The following ELAPOR1 variants were observed in gnomAD, a reference collection of about 807,000 sequenced individuals.
ELAPOR1 encodes the protein endosome/lysosome-associated apoptosis and autophagy regulator 1.
ELAPOR1 carries 77 observed loss-of-function variants against 119.7 expected under a neutral mutation model. That is an observed-to-expected ratio of 0.64 (90% CI 0.54 to 0.78). The LOEUF is 0.78. ELAPOR1 is among the 30% of genes least tolerant of loss of function. The pLI is 0.00. For synonymous variants in ELAPOR1, 481 were observed against 487.2 expected, an observed-to-expected ratio of 0.99 and a Z score of 0.17; for missense variants, 1,115 against 1,270.4, an observed-to-expected ratio of 0.88 and a Z score of 1.86.
intron 5 of ELAPOR1, 135 bp downstream of exon 5, chr1:109,172,703 C>A: frequency 1.5e-6 from 1 of 659,562 alleles, no homozygotes; most frequent in Admixed American, 2.6e-5. Context: ...GATGAAGATG[C>A]TGTAGTTACT....
chr1:109,198,119 C>T (rs768571945), intron 17 of ELAPOR1, 44 bp downstream of exon 17: 2 of 1,466,382 alleles, frequency 1.4e-6, no homozygotes, highest in Non-Finnish European at 1.9e-6. Flanking sequence ...ACCTAGGACT[C>T]CTCCATAATT....
chr1:109,154,302 A>T lies in ELAPOR1; in HGVS notation c.154-7592A>T, dbSNP rs1012639660. 2.6e-5 allele frequency among the ~76,000 whole-genome samples: 4 copies of T among 151,616 alleles called. No individual in the cohort carries two copies. In the South Asian group the frequency reaches 8.3e-4, roughly 31 times the overall value. On this transcript the variant is annotated intron_variant, in intron 1 of 21. Transcript: ENST00000369939. Reference sequence around the variant, plus strand: ...GTCTCAAAAAAAAAAAAAAAAAAAAAAGAAAAGGGGAAAAAGATGGAAGTA... The same window carrying T: ...GTCTCAAAAAAAAAAAAAAAAAAAATAGAAAAGGGGAAAAAGATGGAAGTA...
At chr1:109,182,848 C>T (rs1451402003) in intron 7 of ELAPOR1, among the ~76,000 whole-genome samples, 2 of 125,672 alleles carry the variant, frequency 1.6e-5, no homozygotes, top group Admixed American at 9.7e-5. Flanking sequence ...GCCTGGGCAA[C>T]AGAGCAAGAC....
chr1:109,168,706 A>G (rs1651745894), intron 3 of ELAPOR1, among the ~76,000 whole-genome samples: 1 of 152,224 alleles, frequency 6.6e-6, no homozygotes, highest in Admixed American at 6.5e-5. Context: ...ATTAAAAATG[A>G]AAAACATTAT....
At chr1:109,152,801 C>T (rs1650612634) in intron 1 of ELAPOR1, among the ~76,000 whole-genome samples, 1 of 151,262 alleles carries the variant, frequency 6.6e-6, no homozygotes. Context: ...AAAAAATTAG[C>T]CAGGCATGGT....
intron 1 of ELAPOR1, among the ~76,000 whole-genome samples, chr1:109,160,952 T>C (rs1180018413): frequency 6.6e-6 from 1 of 152,230 alleles, no homozygotes; most frequent in Non-Finnish European, 1.5e-5. Flanking sequence ...ATTCCATTTA[T>C]TTTTAGCTCA....
At chr1:109,129,645 T>G (rs1166414280) in intron 1 of ELAPOR1, among the ~76,000 whole-genome samples, 1 of 152,026 alleles carries the variant, frequency 6.6e-6, no homozygotes, top group East Asian at 1.9e-4. Context: ...TGAGGCCAGT[T>G]GGGAAGGAGC....
At chr1:109,154,048 G>A (rs1188239224) in intron 1 of ELAPOR1, among the ~76,000 whole-genome samples, 2 of 151,806 alleles carry the variant, frequency 1.3e-5, no homozygotes, top group African/African-American at 2.4e-5. Context: ...TTGGGAGGCC[G>A]AGGCGGGCGG....
intron 2 of ELAPOR1, among the ~76,000 whole-genome samples, chr1:109,163,183 G>A (rs960084947): frequency 6.6e-6 from 1 of 152,206 alleles, no homozygotes; most frequent in African/African-American, 2.4e-5. Flanking sequence ...CACATTTGAG[G>A]AAGAGCTTGT....
intron 7 of ELAPOR1, among the ~76,000 whole-genome samples, chr1:109,178,039 C>G (rs145235761): frequency 1.1e-3 from 133 of 120,328 alleles, no homozygotes; most frequent in African/African-American, 3.8e-3. Flanking sequence ...GATGGAGTTT[C>G]CCTCTTGTTG....
At chr1:109,179,076 AT>A (rs1275009185) in intron 7 of ELAPOR1, among the ~76,000 whole-genome samples, 2 of 152,036 alleles carry the variant, frequency 1.3e-5, no homozygotes, top group South Asian at 4.2e-4. Context: ...TTAATTAGTG[AT>A]TTGGTGGGGG....
intron 1 of ELAPOR1, among the ~76,000 whole-genome samples, chr1:109,121,028 T>C (rs1648374341): frequency 6.6e-6 from 1 of 152,260 alleles, no homozygotes; most frequent in African/African-American, 2.4e-5. Context: ...GTAACGTCTT[T>C]CAGGGAAGTG....
intron 11 of ELAPOR1, among the ~76,000 whole-genome samples, chr1:109,190,547 C>T (rs753463250): frequency 6.6e-6 from 1 of 152,242 alleles, no homozygotes; most frequent in Admixed American, 6.5e-5. Context: ...TCTTCGAGGT[C>T]CCTGCTTCCC....
intron 1 of ELAPOR1, among the ~76,000 whole-genome samples, chr1:109,140,216 C>A (rs561531924): frequency 1.2e-4 from 19 of 152,154 alleles, no homozygotes; most frequent in Non-Finnish European, 2.6e-4. Flanking sequence ...GATGCACAAC[C>A]TGTACATCTG....
Position 109,197,667 on chromosome 1 carries a change from G to A in ELAPOR1, c.2302+13G>A, listed in dbSNP as rs373489103. The A allele has an allele frequency of 1.7e-5, 28 of 1,605,694 alleles. No individual in the cohort carries two copies. The highest frequency in any genetic ancestry group is 4.4e-5 in the South Asian group (4 of 90,080). ...GATCGACTTATTGGTGAGTAACTCCGCTGCCTCAGCCTTGTTTGAGAGTGT... is the reference window on the plus strand; with the variant it reads ...GATCGACTTATTGGTGAGTAACTCCACTGCCTCAGCCTTGTTTGAGAGTGT... On this transcript the variant is annotated intron_variant, in intron 16 of 21. Coordinates refer to ENST00000369939, the MANE Select transcript of ELAPOR1 (RefSeq NM_020775.5).
chr1:109,157,456 C>G (rs568045865), intron 1 of ELAPOR1, among the ~76,000 whole-genome samples: 1 of 152,300 alleles, frequency 6.6e-6, no homozygotes, highest in Admixed American at 6.5e-5. Context: ...GGAAAAGGCA[C>G]TCCCTCTCTG....
At position 109,174,132 on chromosome 1, in the gene ELAPOR1, C is replaced by T. The variant is rs577572007; in HGVS notation, c.952+295C>T. Among the ~76,000 whole-genome samples the T allele has an allele frequency of 7.2e-5, 11 of 151,738 alleles. No homozygotes were observed. In the South Asian group the frequency reaches 2.1e-3, roughly 29 times the overall value. On this transcript the variant is annotated intron_variant, in intron 7 of 21. Transcript: ENST00000369939. ...GTCCCAAGCAATCCTCCCGCCTCAG[C>T]CTCCTGAGTAGCTAAGACTACCAGC...
intron 18 of ELAPOR1, 110 bp downstream of exon 18, chr1:109,198,784 C>G: frequency 1.1e-6 from 1 of 924,942 alleles, no homozygotes; most frequent in Non-Finnish European, 1.7e-6. Flanking sequence ...GTTTGAGATC[C>G]ATTAATGGGT....
intron 1 of ELAPOR1, among the ~76,000 whole-genome samples, chr1:109,160,126 A>G (rs978751913): frequency 6.6e-6 from 1 of 152,070 alleles, no homozygotes; most frequent in Admixed American, 6.6e-5. Flanking sequence ...CCAAAGCCAA[A>G]GATTCTGGTC....
Sources: allele counts gnomAD v4.1 joint callset (sites outside exome capture counted in the v4.1 genomes callset), GRCh38; gene constraint gnomAD v4.1.1; transcripts MANE v1.5; gene names NCBI Gene and HGNC (gene_info 2026-07-23, HGNC 2026-07-21).